Variants in SVIL observed in about 807,000 individuals in gnomAD.
SVIL encodes archvillin.
Under a neutral mutation model 240.4 loss-of-function variants are expected in SVIL, and 101 were observed. That is an observed-to-expected ratio of 0.42 (90% CI 0.36 to 0.50). SVIL has a LOEUF of 0.50. Ranked by LOEUF, SVIL falls within the 20% of genes least tolerant of loss-of-function variation. The pLI is 0.01. For missense variants in SVIL, 2,512 were observed against 2,818.7 expected, an observed-to-expected ratio of 0.89 and a Z score of 2.46; for synonymous variants, 999 against 1,100.0, an observed-to-expected ratio of 0.91 and a Z score of 1.82.
chr10:29,573,868 G>A (rs1955563465), intron 1 of SVIL, among the ~76,000 whole-genome samples: 1 of 152,122 alleles, frequency 6.6e-6, no homozygotes, highest in African/African-American at 2.4e-5. Context: ...ACTAATTTTT[G>A]TATTTTTAAT....
chr10:29,562,398 A>G (rs1954565551), intron 3 of SVIL, among the ~76,000 whole-genome samples: 1 of 152,384 alleles, frequency 6.6e-6, no homozygotes, highest in South Asian at 2.1e-4. Flanking sequence ...CTTGGGGAAG[A>G]AGAAAGATGC....
At chr10:29,550,470 T>C in intron 6 of SVIL, 127 bp downstream of exon 6, 2 of 1,063,292 alleles carry the variant, frequency 1.9e-6, no homozygotes, top group Non-Finnish European at 2.6e-6. Flanking sequence ...AATCATATAC[T>C]ATGATATTTC....
At chr10:29,694,994 A>G (rs907865971) in intron 1 of SVIL, among the ~76,000 whole-genome samples, 1 of 152,182 alleles carries the variant, frequency 6.6e-6, no homozygotes, top group Non-Finnish European at 1.5e-5. Context: ...CATGCCTCGC[A>G]CAATGCACGG....
At chr10:29,550,073 TAAGA>T (rs1335790097) in intron 6 of SVIL, among the ~76,000 whole-genome samples, 18 of 84,872 alleles carry the variant, frequency 2.1e-4, no homozygotes, top group African/African-American at 6.9e-4. Flanking sequence ...AAAAAAAACA[TAAGA>T]AACGCACAAA....
At chr10:29,693,318 G>GT (rs1961661384) in intron 1 of SVIL, among the ~76,000 whole-genome samples, 1 of 150,930 alleles carries the variant, frequency 6.6e-6, no homozygotes, top group Non-Finnish European at 1.5e-5. Flanking sequence ...GGGATGGGGG[G>GT]TGGGGGAGAG....
At chr10:29,667,859 A>ATC (rs1296540260) in intron 2 of SVIL, among the ~76,000 whole-genome samples, 3 of 133,868 alleles carry the variant, frequency 2.2e-5, no homozygotes, top group Admixed American at 6.9e-5. Context: ...TGTCTCTCAA[A>ATC]AAAAAAAAAA....
chr10:29,541,941 C>T (rs1463800620), intron 6 of SVIL, among the ~76,000 whole-genome samples: 3 of 152,168 alleles, frequency 2.0e-5, no homozygotes, highest in South Asian at 4.1e-4. Flanking sequence ...CCAGACAAAG[C>T]AGAAAGAGCT....
At chr10:29,642,851 T>C (rs1195046475) in intron 3 of SVIL, among the ~76,000 whole-genome samples, 1 of 152,050 alleles carries the variant, frequency 6.6e-6, no homozygotes, top group Non-Finnish European at 1.5e-5. Context: ...GCCTGAATAA[T>C]GTTTTCGTAT....
upstream of SVIL, among the ~76,000 whole-genome samples, chr10:29,638,532 AC>A (rs1958384297): frequency 6.6e-6 from 1 of 152,138 alleles, no homozygotes; most frequent in South Asian, 2.1e-4. Context: ...CAAAAAACAA[AC>A]CTACTTCAAA....
At chr10:29,480,893 G>GCATA in intron 28 of SVIL, 80 bp from the exon 29 acceptor site, 1 of 1,485,010 alleles carries the variant, frequency 6.7e-7, no homozygotes, top group East Asian at 2.3e-5. Flanking sequence ...TGCTTCAGCT[G>GCATA]TTCATGGGAC....
chr10:29,612,510 C>CA (rs1477784400), intron 1 of SVIL, among the ~76,000 whole-genome samples: 2 of 152,050 alleles, frequency 1.3e-5, no homozygotes, highest in African/African-American at 2.4e-5. Flanking sequence ...TTGTGAGACT[C>CA]AGAGTTTGGG....
intron 1 of SVIL, among the ~76,000 whole-genome samples, chr10:29,690,589 A>T (rs1361216626): frequency 6.6e-6 from 1 of 152,136 alleles, no homozygotes; most frequent in African/African-American, 2.4e-5. Flanking sequence ...CCTGTCTGTC[A>T]TAAAAAATAA....
intron 16 of SVIL, among the ~76,000 whole-genome samples, chr10:29,518,213 C>T (rs1157367495): frequency 6.6e-6 from 1 of 152,108 alleles, no homozygotes; most frequent in African/African-American, 2.4e-5. Flanking sequence ...TATGGTGAAA[C>T]CTTGTCTCTA....
At chr10:29,677,855 G>A (rs140001166) in intron 2 of SVIL, among the ~76,000 whole-genome samples, 16 of 152,244 alleles carry the variant, frequency 1.1e-4, no homozygotes, top group African/African-American at 3.6e-4. Flanking sequence ...TCCTCCTTCA[G>A]TGATCACATC....
At chr10:29,471,101 A>C (rs1945527119) in intron 31 of SVIL, 37 bp downstream of exon 31, 3 of 1,574,930 alleles carry the variant, frequency 1.9e-6, no homozygotes, top group Non-Finnish European at 2.6e-6. Context: ...AAGAGAGGGA[A>C]AGGCAAAGTC....
intron 2 of SVIL, among the ~76,000 whole-genome samples, chr10:29,566,203 C>T (rs1461478618): frequency 6.6e-6 from 1 of 152,128 alleles, no homozygotes; most frequent in Admixed American, 6.5e-5. Flanking sequence ...TAATTTGGAA[C>T]ACATCATTCT....
chr10:29,707,522 C>T (rs1412883963), intron 1 of SVIL, among the ~76,000 whole-genome samples: 1 of 152,054 alleles, frequency 6.6e-6, no homozygotes, highest in African/African-American at 2.4e-5. Context: ...AATTGTATGC[C>T]ATTAATTTGC....
intron 1 of SVIL, among the ~76,000 whole-genome samples, chr10:29,703,774 C>T (rs1962693537): frequency 6.6e-6 from 1 of 152,178 alleles, no homozygotes. Context: ...CCAAGTCTCT[C>T]CTCCAAAGTC....
chr10:29,463,364 C>A (rs1044776708), intron 35 of SVIL, 128 bp downstream of exon 35: 7 of 1,294,964 alleles, frequency 5.4e-6, no homozygotes, highest in Non-Finnish European at 7.1e-6. Flanking sequence ...GTTTCATCAC[C>A]ACCTGCCAGG....
Sources: gnomAD v4.1 joint callset for allele counts (sites outside exome capture counted in the v4.1 genomes callset) on GRCh38, gnomAD v4.1.1 for gene constraint, MANE v1.5 for transcripts, NCBI Gene and HGNC (gene_info 2026-07-23, HGNC 2026-07-21) for gene names.